MARCHF2: variants seen among roughly 807,000 people sequenced by gnomAD.
The protein encoded by MARCHF2 is membrane associated ring-CH-type finger 2, also known as E3 ubiquitin-protein ligase MARCHF2.
In MARCHF2, 22 loss-of-function variants were observed where a neutral mutation model predicts 24.0. The observed-to-expected ratio is 0.92, with a 90% CI of 0.66 to 1.31. The LOEUF (loss-of-function observed/expected upper bound fraction) is 1.31. Among genes scored for constraint, MARCHF2 ranks in the 50% most tolerant of loss-of-function variants. MARCHF2 has a pLI of 0.00. For synonymous variants in MARCHF2, 154 were observed against 153.0 expected (o/e 1.01, Z -0.05); for missense variants, 301 against 335.3 (o/e 0.90, Z 0.80).
chr19:8,419,620 T>A (rs550233548), intron 1 of MARCHF2, among the ~76,000 whole-genome samples: 7 of 149,368 alleles, frequency 4.7e-5, no homozygotes, highest in Non-Finnish European at 7.4e-5. Context: ...ATCGAGACCA[T>A]CCTAGCTAAC....
In MARCHF2 at chr19:8,430,250, C is replaced by A. The variant is rs1432659948; in HGVS notation, c.373-408C>A. Reference sequence around the variant, plus strand: ...TGGTGGCGCTTGCCTATAATCCCAGCTACTCGGGAGGCTGAGGTGGGAGAA... The same window carrying A: ...TGGTGGCGCTTGCCTATAATCCCAGATACTCGGGAGGCTGAGGTGGGAGAA... On this transcript the variant is annotated intron_variant, in intron 3 of 4. Transcript: ENST00000215555. The surrounding 1 kb of genome is among the most constrained non-coding windows in gnomAD (Gnocchi z 4.4). 1.3e-5 allele frequency among the ~76,000 whole-genome samples: 2 copies of A among 152,112 alleles called. No individual in the cohort carries two copies. The highest frequency in any genetic ancestry group is 1.5e-5 in the Non-Finnish European group (1 of 68,022).
At chr19:8,435,894 T>C (rs958259691) in intron 4 of MARCHF2, among the ~76,000 whole-genome samples, 1 of 150,962 alleles carries the variant, frequency 6.6e-6, no homozygotes. Context: ...TTGTTCTTTG[T>C]CACCCAGGCT....
At chr19:8,420,450 C>T (rs1026309792) in intron 1 of MARCHF2, among the ~76,000 whole-genome samples, 5 of 145,176 alleles carry the variant, frequency 3.4e-5, no homozygotes, top group South Asian at 2.3e-4. Context: ...GCAGGAGAAT[C>T]GCTTGAACCC....
chr19:8,436,556 C>T (rs1967727491), intron 4 of MARCHF2, among the ~76,000 whole-genome samples: 1 of 152,094 alleles, frequency 6.6e-6, no homozygotes, highest in Admixed American at 6.6e-5. Context: ...TTACTGTCTC[C>T]ATGGTTTAGC....
intron 2 of MARCHF2, among the ~76,000 whole-genome samples, chr19:8,422,493 A>G (rs1291754771): frequency 1.3e-5 from 2 of 151,740 alleles, no homozygotes; most frequent in African/African-American, 2.4e-5. Flanking sequence ...CCCAGGTTCA[A>G]GTGATTTTCC....
intron 1 of MARCHF2, among the ~76,000 whole-genome samples, chr19:8,414,421 A>G (rs1285298236): frequency 6.6e-6 from 1 of 151,968 alleles, no homozygotes; most frequent in Non-Finnish European, 1.5e-5. Context: ...GGCCCCCGCC[A>G]CCGTGCCTGG....
chr19:8,421,724 A>G, intron 1 of MARCHF2, 65 bp from the exon 2 acceptor site: 1 of 840,258 alleles, frequency 1.2e-6, no homozygotes, highest in Middle Eastern at 3.7e-4. Flanking sequence ...ACAAGAGGGG[A>G]CTCAAACCTT....
intron 4 of MARCHF2, among the ~76,000 whole-genome samples, chr19:8,435,884 T>C (rs2145573268): frequency 1.4e-5 from 2 of 142,930 alleles, no homozygotes. Flanking sequence ...GGGGATAGGA[T>C]TGTTCTTTGT....
At chr19:8,426,153 C>A (rs1045821998) in intron 2 of MARCHF2, among the ~76,000 whole-genome samples, 2 of 150,440 alleles carry the variant, frequency 1.3e-5, no homozygotes, top group Non-Finnish European at 3.0e-5. Context: ...ATGGCGTGAA[C>A]CCGGGAGGCG....
chr19:8,421,382 C>CTTTTTTTTTTTT (rs1254772289), intron 1 of MARCHF2, among the ~76,000 whole-genome samples: 162 of 111,562 alleles, frequency 1.5e-3, no homozygotes, highest in Non-Finnish European at 1.7e-3. Context: ...TCTTTCTTTT[C>CTTTTTTTTTTTT]TTTTTTTTTT....
chr19:8,414,034 G>C (rs1156336423), intron 1 of MARCHF2, among the ~76,000 whole-genome samples: 1 of 152,128 alleles, frequency 6.6e-6, no homozygotes, highest in East Asian at 1.9e-4. Context: ...AAGGAGTAGA[G>C]CTGGGATTGG....
At chr19:8,416,545 G>C (rs752594745) in intron 1 of MARCHF2, among the ~76,000 whole-genome samples, 14 of 151,986 alleles carry the variant, frequency 9.2e-5, no homozygotes, top group Non-Finnish European at 1.5e-4. Context: ...CACATGCCAC[G>C]AGTGGAATCA....
At chr19:8,435,570 G>T in intron 4 of MARCHF2, among the ~76,000 whole-genome samples, 1 of 152,084 alleles carries the variant, frequency 6.6e-6, no homozygotes, top group African/African-American at 2.4e-5. Context: ...ATGGTATCTC[G>T]CCCTGTCTCT....
rs543436808 is a variant in MARCHF2 at position 8,435,023 on chromosome 19, T to TA, written c.583-3365_583-3364insA. On this transcript the variant is annotated intron_variant, in intron 4 of 4. Coordinates refer to ENST00000215555, the MANE Select transcript of MARCHF2 (RefSeq NM_001005415.2). Reference sequence around the variant, plus strand: ...GCTAAGCAACATTTATTTTTTAATTTTTTTTTTTTTTTTTGAGACAGAGTC... The same window carrying TA: ...GCTAAGCAACATTTATTTTTTAATTTATTTTTTTTTTTTTTGAGACAGAGTC... 4.3e-4 allele frequency among the ~76,000 whole-genome samples: 65 copies of TA among 149,806 alleles called. 1 individual carries two copies. In the South Asian group the frequency reaches 0.012, roughly 27 times the overall value.
chr19:8,420,535 CAAAAA>C (rs767779814), intron 1 of MARCHF2, among the ~76,000 whole-genome samples: 1 of 66,782 alleles, frequency 1.5e-5, no homozygotes, highest in Non-Finnish European at 3.4e-5. Context: ...AACTCTGTCT[CAAAAA>C]AAAAAAAAAA....
At chr19:8,428,667 A>AAAAAC (rs1697367663) in intron 3 of MARCHF2, among the ~76,000 whole-genome samples, 2 of 147,522 alleles carry the variant, frequency 1.4e-5, no homozygotes, top group Non-Finnish European at 3.0e-5. Context: ...AAAAAAAAAA[A>AAAAAC]AAAAAAAAAA....
chr19:8,420,290 G>A (rs1434659307), intron 1 of MARCHF2, among the ~76,000 whole-genome samples: 3 of 151,214 alleles, frequency 2.0e-5, no homozygotes, highest in Admixed American at 2.0e-4. Flanking sequence ...GGAGGTTGCA[G>A]TGAGCCGAGA....
At chr19:8,436,554 T>A (rs936333517) in intron 4 of MARCHF2, among the ~76,000 whole-genome samples, 1 of 152,104 alleles carries the variant, frequency 6.6e-6, no homozygotes, top group Non-Finnish European at 1.5e-5. Context: ...TTTTACTGTC[T>A]CCATGGTTTA....
chr19:8,421,429 A>C (rs1334001139), intron 1 of MARCHF2, among the ~76,000 whole-genome samples: 1 of 114,658 alleles, frequency 8.7e-6, no homozygotes, highest in Non-Finnish European at 1.7e-5. Flanking sequence ...GTGTTTCACC[A>C]TGTTGGCCAG....
Sources: allele counts gnomAD v4.1 joint callset (sites outside exome capture counted in the v4.1 genomes callset), GRCh38; gene constraint gnomAD v4.1.1; non-coding constraint Gnocchi (gnomAD v3.1); transcripts MANE v1.5; gene names NCBI Gene and HGNC (gene_info 2026-07-23, HGNC 2026-07-21).